The following BLOC1S5 variants were observed in gnomAD, a reference collection of about 807,000 sequenced individuals.
The protein encoded by BLOC1S5 is biogenesis of lysosomal organelles complex 1 subunit 5, also known as biogenesis of lysosome-related organelles complex 1 subunit 5.
In BLOC1S5, 27 loss-of-function variants were observed where a neutral mutation model predicts 24.3. The observed-to-expected ratio is 1.11, with a 90% confidence interval of 0.82 to 1.53. The LOEUF is 1.53. BLOC1S5 is among the 40% of genes most tolerant of loss of function. The probability of loss-of-function intolerance (pLI) is 0.00; values close to 1 mark genes in which losing one functional copy is unlikely to be tolerated. For synonymous variants in BLOC1S5, 84 were observed against 74.5 expected (o/e 1.13, Z -0.66); for missense variants, 239 against 229.4 (o/e 1.04, Z -0.27).
chr6:8,043,816 T>C (rs934675343), intron 2 of BLOC1S5, among the ~76,000 whole-genome samples: 4 of 152,104 alleles, frequency 2.6e-5, no homozygotes, highest in Non-Finnish European at 5.9e-5. Context: ...CAACTTGAAT[T>C]GTATCTCCCA....
In BLOC1S5 at chr6:8,058,277, T is replaced by C. The variant is rs937247223; in HGVS notation, c.195+4257A>G. 2.7e-5 allele frequency among the ~76,000 whole-genome samples: 4 copies of C among 148,536 alleles called. No individual in the cohort carries two copies. The East Asian group carries it at 8.1e-4, about 30-fold the overall frequency. On this transcript the variant is annotated intron_variant, in intron 2 of 4. Transcript: ENST00000397457. ...GCTCATGCTTATAATCCCAGTACTT[T>C]TGGAGACTGGGGTAGGAGGATCAAT...
chr6:8,038,235 C>T (rs59069329), intron 3 of BLOC1S5, among the ~76,000 whole-genome samples: 5,954 of 152,220 alleles, frequency 0.039, 370 homozygotes, highest in African/African-American at 0.13. Flanking sequence ...GAGGAGAAAG[C>T]ATTAGCAAAC....
intron 2 of BLOC1S5, among the ~76,000 whole-genome samples, chr6:8,050,034 C>G (rs771801074): frequency 6.6e-6 from 1 of 152,104 alleles, no homozygotes; most frequent in Non-Finnish European, 1.5e-5. Flanking sequence ...TCTAAGTGTA[C>G]GCAAGCATAC....
At chr6:8,040,019 T>A (rs760391313) in intron 3 of BLOC1S5, among the ~76,000 whole-genome samples, 1 of 152,160 alleles carries the variant, frequency 6.6e-6, no homozygotes, top group Non-Finnish European at 1.5e-5. Flanking sequence ...CAAAGTAGAC[T>A]GAGAAGGAGG....
intron 2 of BLOC1S5, among the ~76,000 whole-genome samples, chr6:8,047,680 G>T (rs1455769312): frequency 6.6e-6 from 1 of 152,098 alleles, no homozygotes; most frequent in Non-Finnish European, 1.5e-5. Flanking sequence ...TCTGTTGTTT[G>T]CTGAATGAAT....
chr6:8,020,811 T>A (rs1397127098), intron 4 of BLOC1S5, among the ~76,000 whole-genome samples: 1 of 152,136 alleles, frequency 6.6e-6, no homozygotes, highest in Non-Finnish European at 1.5e-5. Context: ...AAAAAGTGGC[T>A]AAAGTTATAA....
chr6:8,056,112 A>G (rs1322477652), intron 2 of BLOC1S5, among the ~76,000 whole-genome samples: 1 of 152,156 alleles, frequency 6.6e-6, no homozygotes, highest in Non-Finnish European at 1.5e-5. Context: ...GAAGGCACTC[A>G]CCAGACGAAG....
intron 3 of BLOC1S5, among the ~76,000 whole-genome samples, chr6:8,032,203 G>A (rs542106527): frequency 5.4e-4 from 82 of 152,192 alleles, no homozygotes; most frequent in East Asian, 4.0e-3. Context: ...GAAAATCTTC[G>A]CAAACTATGC....
intron 2 of BLOC1S5, among the ~76,000 whole-genome samples, chr6:8,061,492 C>A (rs1764516321): frequency 6.6e-6 from 1 of 152,014 alleles, no homozygotes; most frequent in South Asian, 2.1e-4. Context: ...TTCCTAGGTC[C>A]CAGACAATAT....
At chr6:8,019,611 G>C (rs1339553545) in intron 4 of BLOC1S5, among the ~76,000 whole-genome samples, 1 of 151,798 alleles carries the variant, frequency 6.6e-6, no homozygotes, top group Admixed American at 6.6e-5. Flanking sequence ...GAAAAAAGGG[G>C]GGGGGGGCGC....
intron 4 of BLOC1S5, among the ~76,000 whole-genome samples, chr6:8,022,933 A>T (rs1376873738): frequency 6.6e-6 from 1 of 152,206 alleles, no homozygotes; most frequent in Non-Finnish European, 1.5e-5. Context: ...TGTTGCTCTC[A>T]TGAAAGTAAT....
At chr6:8,025,234 A>C (rs1415382941) in intron 4 of BLOC1S5, among the ~76,000 whole-genome samples, 5 of 152,238 alleles carry the variant, frequency 3.3e-5, no homozygotes, top group Non-Finnish European at 7.3e-5. Flanking sequence ...GAACAGCCCT[A>C]AAGTTAACAA....
intron 3 of BLOC1S5, chr6:8,027,463 C>T (rs181942214): frequency 9.0e-5 from 41 of 456,654 alleles, no homozygotes; most frequent in African/African-American, 7.6e-4. Flanking sequence ...TAAATGAGAA[C>T]ACAGTACATA....
At chr6:8,034,212 A>C (rs1282980079) in intron 3 of BLOC1S5, among the ~76,000 whole-genome samples, 2 of 152,218 alleles carry the variant, frequency 1.3e-5, no homozygotes, top group Admixed American at 6.5e-5. Flanking sequence ...CACAATAGCA[A>C]AGACTTGGAA....
intron 4 of BLOC1S5, among the ~76,000 whole-genome samples, chr6:8,021,416 T>C (rs1189801399): frequency 1.3e-5 from 2 of 152,144 alleles, no homozygotes; most frequent in Non-Finnish European, 2.9e-5. Flanking sequence ...CTGGCCAACA[T>C]GGCGAAACCC....
chr6:8,061,640 C>T (rs1162699771), intron 2 of BLOC1S5, among the ~76,000 whole-genome samples: 1 of 152,194 alleles, frequency 6.6e-6, no homozygotes, highest in African/African-American at 2.4e-5. Context: ...TTAAAAGGTA[C>T]TCTCCTTTTG....
chr6:8,023,447 G>T (rs1302355175), intron 4 of BLOC1S5, among the ~76,000 whole-genome samples: 1 of 152,114 alleles, frequency 6.6e-6, no homozygotes, highest in African/African-American at 2.4e-5. Context: ...AAAATTAGCC[G>T]TGTGTGGTGG....
chr6:8,048,793 A>C (rs1763995411), intron 2 of BLOC1S5, among the ~76,000 whole-genome samples: 1 of 151,890 alleles, frequency 6.6e-6, no homozygotes, highest in South Asian at 2.1e-4. Context: ...TGGGCGGATC[A>C]CCTGAGGTCA....
In BLOC1S5 at chr6:8,014,661, G is replaced by A. The variant is rs756149225; in HGVS notation, c.*988C>T. 6.6e-6 allele frequency: 1 copy of A among 152,160 alleles called. No individual in the cohort carries two copies. The highest frequency in any genetic ancestry group is 1.5e-5 in the Non-Finnish European group (1 of 68,030). The allele number at this position is 152,160 out of a possible 1,614,324, so 9.4% of individuals were successfully genotyped here. Reference sequence around the variant, plus strand: ...TTCATCATAATATACCTGCTTATGAGAACAGACATTAACACTAAAAAGGAT... The same window carrying A: ...TTCATCATAATATACCTGCTTATGAAAACAGACATTAACACTAAAAAGGAT... On this transcript the variant is annotated 3_prime_UTR_variant, in exon 5 of 5. Transcript: ENST00000397457.
Sources: gnomAD v4.1 joint callset for allele counts (sites outside exome capture counted in the v4.1 genomes callset) on GRCh38, gnomAD v4.1.1 for gene constraint, MANE v1.5 for transcripts, NCBI Gene and HGNC (gene_info 2026-07-23, HGNC 2026-07-21) for gene names.